ZNF728: variants seen among roughly 807,000 people sequenced by gnomAD.
ZNF728 encodes the protein zinc finger protein 728.
In ZNF728, 12 loss-of-function variants were observed where a neutral mutation model predicts 12.5. The observed-to-expected ratio is 0.96, with a 90% CI of 0.61 to 1.55. The LOEUF (loss-of-function observed/expected upper bound fraction) is 1.55, where lower values mean the gene tolerates loss of function less well. Among genes scored for constraint, ZNF728 ranks in the 40% most tolerant of loss-of-function variants. The probability of loss-of-function intolerance (pLI) is 0.00; values close to 1 mark genes in which losing one functional copy is unlikely to be tolerated. For synonymous variants in ZNF728, 205 were observed against 240.7 expected (o/e 0.85, Z 1.37); for missense variants, 692 against 719.2 (o/e 0.96, Z 0.43).
chr19:22,976,548 T>C lies in ZNF728; in HGVS notation c.789A>G (p.Lys263=), dbSNP rs1180961890. 6.2e-7 allele frequency: 1 copy of C among 1,612,848 alleles called. No homozygotes were observed. The highest frequency in any genetic ancestry group is 8.5e-7 in the Non-Finnish European group (1 of 1,179,946). Reference sequence around the variant, plus strand: ...TAAGGCTTGAGGACCGGGTGAAGGCTTTGCCACATTCTTCACATTTGTAAT... The same window carrying C: ...TAAGGCTTGAGGACCGGGTGAAGGCCTTGCCACATTCTTCACATTTGTAAT... ...EKHYKCEECG[K]AFTRSSSLIE... is the part of the protein sequence containing the mutation. The change falls in exon 4 of 4, where the codon AAA becomes AAG. Residue 263 remains lysine, a synonymous_variant. Transcript: ENST00000594710.
chr19:23,002,946 C>A, intron 1 of ZNF728, 82 bp downstream of exon 1: 4 of 1,556,386 alleles, frequency 2.6e-6, no homozygotes, highest in African/African-American at 2.7e-5. Flanking sequence ...TGAGAGGAGG[C>A]CTGAGTCCCG....
chr19:22,976,535 A>G lies in ZNF728; in HGVS notation c.802T>C (p.Ser268Pro). 1 of 1,611,994 alleles carries G rather than the reference A, an allele frequency of 6.2e-7. No individual in the cohort carries two copies. Among genetic ancestry groups the G allele is most frequent in the Non-Finnish European group, 8.5e-7 (1 of 1,179,716 alleles). Residue 268 changes from serine (S) to proline (P), a missense_variant, in exon 4 of 4, where the codon TCC (serine) becomes CCC (proline). Coordinates refer to ENST00000594710, the MANE Select transcript of ZNF728 (RefSeq NM_001267716.2). ...CEECGKAFTR[S>P]SSLIEHKRSH... ...CTCTTATGTTCAATAAGGCTTGAGG[A>G]CCGGGTGAAGGCTTTGCCACATTCT...
Position 22,975,590 on chromosome 19 carries a change from T to TA in ZNF728, c.1746dup (p.Lys583Ter). 3 of 1,605,980 alleles carry TA rather than the reference T, an allele frequency of 1.9e-6. No individual in the cohort carries two copies. Among genetic ancestry groups the TA allele is most frequent in the Non-Finnish European group, 2.5e-6 (3 of 1,177,570 alleles). On this transcript the variant is annotated frameshift_variant, in exon 4 of 4. Transcript: ENST00000594710. LOFTEE classifies it low-confidence loss of function (END_TRUNC). ...AATTTCTTTCCAGCATGAATTTTCT[T>TA]ATGTTTGTTAAGGACTGAGACCCAG... is the stretch of plus-strand genomic sequence containing the variant.
At chr19:22,979,099 G>A (rs1968835759) in intron 3 of ZNF728, among the ~76,000 whole-genome samples, 1 of 152,188 alleles carries the variant, frequency 6.6e-6, no homozygotes, top group East Asian at 1.9e-4. Flanking sequence ...CCAATGCCAG[G>A]AAGCTAAGAA....
chr19:22,975,894 T>C lies in ZNF728; in HGVS notation c.1443A>G (p.Lys481=). The C allele has an allele frequency of 6.2e-7, 1 of 1,606,362 alleles. No homozygotes were observed. The highest frequency in any genetic ancestry group is 1.7e-4 in the Middle Eastern group (1 of 6,038). The change falls in exon 4 of 4, where the codon AAA becomes AAG. Residue 481 remains lysine (K), a synonymous_variant. Transcript: ENST00000594710. ...KAIHAGEKLY[K]CEECGKAFKW... is the part of the protein sequence containing the mutation. ...TAAAGGCTTTGCCACATTCTTCACA[T>C]TTGTAGAGTTTCTCTCCAGCATGAA... is the stretch of plus-strand genomic sequence containing the variant.
intron 1 of ZNF728, among the ~76,000 whole-genome samples, chr19:22,992,476 C>G (rs1969000276): frequency 6.6e-6 from 1 of 152,150 alleles, no homozygotes; most frequent in South Asian, 2.1e-4. Flanking sequence ...CTCCTGACCT[C>G]AGGTGATCCA....
chr19:22,993,981 G>A lies in ZNF728; in HGVS notation c.4-5530C>T, dbSNP rs566210561. ...TCCTGCATGGGTAAAATAGCAGCAA[G>A]TGTTACCTGAACATTTGTGGGCATT... On this transcript the variant is annotated intron_variant, in intron 1 of 3. Coordinates refer to ENST00000594710, the MANE Select transcript of ZNF728 (RefSeq NM_001267716.2). Among the ~76,000 whole-genome samples the A allele has an allele frequency of 2.0e-5, 3 of 152,258 alleles. No individual in the cohort carries two copies. The East Asian group carries it at 5.8e-4, about 29-fold the overall frequency.
chr19:22,985,272 G>C (rs866638205), intron 3 of ZNF728, among the ~76,000 whole-genome samples: 1 of 152,112 alleles, frequency 6.6e-6, no homozygotes, highest in Admixed American at 6.5e-5. Context: ...AAAGAAAAAG[G>C]TGCCCTATTT....
At position 22,976,988 on chromosome 19, in the gene ZNF728, A is replaced by C; in HGVS notation, c.349T>G (p.Cys117Gly). The C allele has an allele frequency of 6.2e-7, 1 of 1,613,496 alleles. No individual in the cohort carries two copies. Among genetic ancestry groups the C allele is most frequent in the Admixed American group, 1.7e-5 (1 of 59,924 alleles). The change falls in exon 4 of 4, where the codon TGT becomes GGT. Residue 117 changes from cysteine to glycine, a missense_variant. By Grantham distance (159) the Cys-to-Gly change is radical. Transcript: ENST00000594710. ...GHENLQLKIG[C>G]TNVDECKVHK... is the part of the protein sequence containing the mutation. ...ACCTTACACTCATCCACATTGGTAC[A>C]ACCAATTTTTAACTGTAAATTCTCA...
intron 3 of ZNF728, among the ~76,000 whole-genome samples, chr19:22,983,474 A>G (rs1423963704): frequency 6.6e-6 from 1 of 152,222 alleles, no homozygotes; most frequent in African/African-American, 2.4e-5. Flanking sequence ...TAGAACTAGA[A>G]ATACCATTTG....
At chr19:22,977,763 C>T (rs1968821976) in intron 3 of ZNF728, among the ~76,000 whole-genome samples, 2 of 152,156 alleles carry the variant, frequency 1.3e-5, no homozygotes, top group African/African-American at 2.4e-5. Context: ...CCCACATAAT[C>T]TCTAGCCAAG....
At chr19:22,999,237 CT>C (rs1969081242) in intron 1 of ZNF728, among the ~76,000 whole-genome samples, 1 of 152,116 alleles carries the variant, frequency 6.6e-6, no homozygotes, top group Admixed American at 6.6e-5. Context: ...GTACTTCCTC[CT>C]GTTGCAATAC....
At chr19:22,984,244 T>A (rs1568275567) in intron 3 of ZNF728, among the ~76,000 whole-genome samples, 2 of 151,168 alleles carry the variant, frequency 1.3e-5, no homozygotes, top group African/African-American at 4.9e-5. Context: ...AATGCAAGTA[T>A]ACAATAATAG....
At chr19:22,982,757 G>A (rs1180423951) in intron 3 of ZNF728, among the ~76,000 whole-genome samples, 1 of 152,062 alleles carries the variant, frequency 6.6e-6, no homozygotes, top group Non-Finnish European at 1.5e-5. Context: ...AACAAGCAAT[G>A]GGGAAACGAT....
At chr19:23,000,300 C>T (rs1329804787) in intron 1 of ZNF728, among the ~76,000 whole-genome samples, 1 of 151,642 alleles carries the variant, frequency 6.6e-6, no homozygotes, top group South Asian at 2.1e-4. Context: ...ATGGCGTAAA[C>T]CCTGGAGACA....
rs772885507 is a variant in ZNF728 at position 22,988,289 on chromosome 19, T to C, written c.130+36A>G. 10 of 1,613,798 alleles carry C rather than the reference T, an allele frequency of 6.2e-6. No homozygotes were observed. In the East Asian group the frequency reaches 2.2e-4, roughly 36 times the overall value. On this transcript the variant is annotated intron_variant, in intron 2 of 3. Transcript: ENST00000594710. ...GTCCACAGCAAAATGAAACCTATAG[T>C]GTATACTAGGAATTGCGTATTAAAG...
intron 3 of ZNF728, among the ~76,000 whole-genome samples, chr19:22,986,688 ACTCT>A (rs200988853): frequency 0.01 from 1,550 of 152,152 alleles, 26 homozygotes; most frequent in African/African-American, 0.036. Context: ...GATTCAATAA[ACTCT>A]CTATCAATAT....
chr19:23,002,549 A>G (rs1371116191), intron 1 of ZNF728, among the ~76,000 whole-genome samples: 4 of 152,232 alleles, frequency 2.6e-5, no homozygotes, highest in African/African-American at 9.6e-5. Flanking sequence ...ACCATAAACT[A>G]CAACCCATAG....
chr19:22,976,935 G>C lies in ZNF728; in HGVS notation c.402C>G (p.Asn134Lys), dbSNP rs1445581523. 1 of 1,613,440 alleles carries C rather than the reference G, an allele frequency of 6.2e-7. No individual in the cohort carries two copies. Among genetic ancestry groups the C allele is most frequent in the Middle Eastern group, 1.7e-4 (1 of 6,050 alleles). The change falls in exon 4 of 4, where the codon AAC becomes AAG. Residue 134 changes from asparagine to lysine, a missense_variant. Coordinates refer to ENST00000594710, the MANE Select transcript of ZNF728 (RefSeq NM_001267716.2). ...KVHKKGYNKL[N>K]QSLTTTQSKV... ...TGCTTTGTGTAGTTGTCAAACTCTGGTTAAGCTTATTATAACCTTTTTTGT... is the reference window on the plus strand; with the variant it reads ...TGCTTTGTGTAGTTGTCAAACTCTGCTTAAGCTTATTATAACCTTTTTTGT...
Sources: gnomAD v4.1 joint callset for allele counts (sites outside exome capture counted in the v4.1 genomes callset) on GRCh38, gnomAD v4.1.1 for gene constraint, MANE v1.5 for transcripts, NCBI Gene and HGNC (gene_info 2026-07-23, HGNC 2026-07-21) for gene names.